Variants in PDE4B observed in about 807,000 individuals in gnomAD.
The protein encoded by PDE4B is phosphodiesterase 4B.
In PDE4B, 20 loss-of-function variants were observed where a neutral mutation model predicts 82.2. The ratio of observed to expected loss-of-function variants is 0.24; its 90% CI spans 0.17 to 0.35. The LOEUF is 0.35. PDE4B is among the 10% of genes least tolerant of loss of function. The pLI is 1.00. For missense variants in PDE4B, 655 were observed against 907.2 expected (o/e 0.72, Z 3.57); for synonymous variants, 320 against 318.9 (o/e 1.00, Z -0.04).
At chr1:65,911,260 C>T (rs2100452468) in intron 1 of PDE4B, among the ~76,000 whole-genome samples, 1 of 152,284 alleles carries the variant, frequency 6.6e-6, no homozygotes, top group South Asian at 2.1e-4. Flanking sequence ...GTATTGCACT[C>T]TTGGCATTCC....
chr1:66,057,911 C>G (rs1188552165), intron 3 of PDE4B, among the ~76,000 whole-genome samples: 1 of 152,182 alleles, frequency 6.6e-6, no homozygotes, highest in Non-Finnish European at 1.5e-5. Flanking sequence ...ATCAATCATC[C>G]CTTCCCAACG....
At chr1:66,107,839 T>A (rs1030630385) in intron 3 of PDE4B, among the ~76,000 whole-genome samples, 8 of 152,082 alleles carry the variant, frequency 5.3e-5, no homozygotes, top group African/African-American at 1.7e-4. Flanking sequence ...TAAAAGCTGT[T>A]TGTAGCCTTA....
At chr1:66,233,586 G>A (rs1652164200) in intron 3 of PDE4B, among the ~76,000 whole-genome samples, 1 of 152,100 alleles carries the variant, frequency 6.6e-6, no homozygotes, top group African/African-American at 2.4e-5. Context: ...ACAGGCATTC[G>A]TACCTGGTTC....
At chr1:66,318,008 G>A (rs766321666) in intron 7 of PDE4B, among the ~76,000 whole-genome samples, 6 of 152,196 alleles carry the variant, frequency 3.9e-5, no homozygotes, top group African/African-American at 7.2e-5. Flanking sequence ...TGCCAAACCT[G>A]GCTGAGGATG....
intron 3 of PDE4B, among the ~76,000 whole-genome samples, chr1:66,088,488 G>A (rs550742274): frequency 6.8e-4 from 104 of 152,062 alleles, no homozygotes; most frequent in African/African-American, 1.9e-3. Context: ...TAACCTATTC[G>A]TACAGCTGCA....
chr1:66,184,600 G>T (rs1647140795), intron 3 of PDE4B, among the ~76,000 whole-genome samples: 1 of 152,118 alleles, frequency 6.6e-6, no homozygotes, highest in South Asian at 2.1e-4. Context: ...TTAGCTAAAA[G>T]TGCACTTACT....
chr1:66,015,794 A>G (rs1652741773), intron 3 of PDE4B, among the ~76,000 whole-genome samples: 1 of 152,192 alleles, frequency 6.6e-6, no homozygotes, highest in African/African-American at 2.4e-5. Context: ...TTCTCCTGGT[A>G]TAAGGGGAGA....
At chr1:65,878,675 G>T (rs1458883705) in intron 1 of PDE4B, among the ~76,000 whole-genome samples, 3 of 152,052 alleles carry the variant, frequency 2.0e-5, no homozygotes, top group Non-Finnish European at 4.4e-5. Flanking sequence ...AGTGAGAGTT[G>T]AACAATGAGA....
chr1:65,918,457 A>G, intron 2 of PDE4B, 140 bp from the exon 3 acceptor site: 3 of 613,238 alleles, frequency 4.9e-6, no homozygotes, highest in East Asian at 5.5e-5. Flanking sequence ...AGCTTTTGAC[A>G]TCGTTGTTAG....
At chr1:66,371,122 AT>A (rs2050758255) in intron 16 of PDE4B, among the ~76,000 whole-genome samples, 3 of 124,082 alleles carry the variant, frequency 2.4e-5, no homozygotes, top group Non-Finnish European at 5.2e-5. Flanking sequence ...ATATATATAT[AT>A]ATATATATAT....
At chr1:66,146,673 A>C (rs1297693299) in intron 3 of PDE4B, among the ~76,000 whole-genome samples, 2 of 152,144 alleles carry the variant, frequency 1.3e-5, no homozygotes, top group Non-Finnish European at 2.9e-5. Flanking sequence ...AGATATTTGA[A>C]ATGTGTCCAC....
At chr1:66,312,905 C>T (rs1246959315) in intron 7 of PDE4B, among the ~76,000 whole-genome samples, 1 of 152,148 alleles carries the variant, frequency 6.6e-6, no homozygotes, top group Non-Finnish European at 1.5e-5. Flanking sequence ...AAAAGTTTAC[C>T]TCTGCTCTGT....
At chr1:65,899,369 G>A (rs1262594572) in intron 1 of PDE4B, among the ~76,000 whole-genome samples, 1 of 151,996 alleles carries the variant, frequency 6.6e-6, no homozygotes, top group Non-Finnish European at 1.5e-5. Flanking sequence ...CTACACTGCT[G>A]GTGGGAATGT....
chr1:66,069,207 A>C (rs1656025553), intron 3 of PDE4B, among the ~76,000 whole-genome samples: 1 of 151,978 alleles, frequency 6.6e-6, no homozygotes, highest in African/African-American at 2.4e-5. Context: ...CAATAACTCC[A>C]ATTGACTTTT....
intron 3 of PDE4B, among the ~76,000 whole-genome samples, chr1:66,153,801 C>G (rs1449986667): frequency 6.6e-6 from 1 of 152,172 alleles, no homozygotes; most frequent in Non-Finnish European, 1.5e-5. Flanking sequence ...CCAGACCAGA[C>G]AGCAGGCTTG....
intron 3 of PDE4B, among the ~76,000 whole-genome samples, chr1:66,110,427 A>G (rs1028619146): frequency 2.0e-5 from 3 of 152,022 alleles, no homozygotes; most frequent in African/African-American, 7.2e-5. Flanking sequence ...CAATGAATGA[A>G]CAGATTCCAC....
chr1:66,187,854 A>G (rs1647320878), intron 3 of PDE4B, among the ~76,000 whole-genome samples: 1 of 151,666 alleles, frequency 6.6e-6, no homozygotes, highest in Non-Finnish European at 1.5e-5. Context: ...CTCTGATTTT[A>G]GTTATTTCTT....
chr1:65,826,525 C>T (rs1000527432), intron 1 of PDE4B, among the ~76,000 whole-genome samples: 1 of 152,094 alleles, frequency 6.6e-6, no homozygotes, highest in African/African-American at 2.4e-5. Context: ...CCTAAGAAAA[C>T]TGCCCTTGTT....
intron 16 of PDE4B, 67 bp from the exon 17 acceptor site, chr1:66,372,246 C>A: frequency 2.0e-6 from 3 of 1,478,422 alleles, no homozygotes; most frequent in Non-Finnish European, 2.7e-6. Context: ...TGCATGGAAA[C>A]CAGGAAACCT....
Sources: allele counts gnomAD v4.1 joint callset (sites outside exome capture counted in the v4.1 genomes callset), GRCh38; gene constraint gnomAD v4.1.1; transcripts MANE v1.5; gene names NCBI Gene and HGNC (gene_info 2026-07-23, HGNC 2026-07-21).